UBE2E2: variants seen among roughly 807,000 people sequenced by gnomAD.
The protein encoded by UBE2E2 is ubiquitin-conjugating enzyme E2 E2.
UBE2E2 carries 6 observed loss-of-function variants against 24.7 expected under a neutral mutation model. That is an observed-to-expected ratio of 0.24 (90% CI 0.13 to 0.48). The LOEUF is 0.48. Among genes scored for constraint, UBE2E2 ranks in the 20% least tolerant of loss-of-function variants. The pLI is 0.99. For synonymous variants in UBE2E2, 104 were observed against 83.6 expected, an observed-to-expected ratio of 1.24 and a Z score of -1.33; for missense variants, 169 against 245.0, an observed-to-expected ratio of 0.69 and a Z score of 2.07.
intron 3 of UBE2E2, among the ~76,000 whole-genome samples, chr3:23,479,869 G>A (rs1242388794): frequency 6.6e-6 from 1 of 152,138 alleles, no homozygotes; most frequent in African/African-American, 2.4e-5. Flanking sequence ...CAGAATGGAG[G>A]CAGTACATGC....
At chr3:23,552,409 T>G (rs1695666793) in intron 5 of UBE2E2, among the ~76,000 whole-genome samples, 1 of 152,122 alleles carries the variant, frequency 6.6e-6, no homozygotes, top group Non-Finnish European at 1.5e-5. Context: ...CATGTACCAA[T>G]TCCCAGGGGA....
At chr3:23,270,874 T>G (rs1698221694) in intron 3 of UBE2E2, 1 of 455,710 alleles carries the variant, frequency 2.2e-6, no homozygotes, top group Non-Finnish European at 4.4e-6. Flanking sequence ...ATTACAAGTC[T>G]CAGATTAAGA....
intron 3 of UBE2E2, among the ~76,000 whole-genome samples, chr3:23,470,210 CT>C (rs1699005459): frequency 6.6e-6 from 1 of 152,206 alleles, no homozygotes; most frequent in African/African-American, 2.4e-5. Flanking sequence ...TGTGCCCCTC[CT>C]TTTCCCACTC....
At chr3:23,452,911 A>G (rs1223396607) in intron 3 of UBE2E2, among the ~76,000 whole-genome samples, 3 of 152,158 alleles carry the variant, frequency 2.0e-5, no homozygotes. Context: ...CCTTTACTCA[A>G]ATAGCAACTA....
At chr3:23,358,493 T>G (rs1422491045) in intron 3 of UBE2E2, among the ~76,000 whole-genome samples, 1 of 152,160 alleles carries the variant, frequency 6.6e-6, no homozygotes, top group African/African-American at 2.4e-5. Context: ...GGAAATTAGT[T>G]TCTAACAGCT....
chr3:23,515,178 C>T (rs1694701891), intron 4 of UBE2E2, among the ~76,000 whole-genome samples: 1 of 150,972 alleles, frequency 6.6e-6, no homozygotes, highest in Non-Finnish European at 1.5e-5. Flanking sequence ...GAGAGAGATA[C>T]ATACATATGT....
intron 3 of UBE2E2, among the ~76,000 whole-genome samples, chr3:23,491,986 T>C (rs1699507024): frequency 6.6e-6 from 1 of 152,120 alleles, no homozygotes; most frequent in Admixed American, 6.5e-5. Flanking sequence ...CTCTCAGATT[T>C]ATGACCAGAT....
At chr3:23,443,436 G>T (rs984030111) in intron 3 of UBE2E2, among the ~76,000 whole-genome samples, 5 of 152,160 alleles carry the variant, frequency 3.3e-5, no homozygotes, top group African/African-American at 1.2e-4. Flanking sequence ...AGTCCTGTAG[G>T]TTCGTTCCTG....
chr3:23,470,324 C>A (rs12638508), intron 3 of UBE2E2, among the ~76,000 whole-genome samples: 1 of 152,072 alleles, frequency 6.6e-6, no homozygotes, highest in African/African-American at 2.4e-5. Flanking sequence ...GATCCTCCCC[C>A]CAATCCGGGG....
chr3:23,319,875 A>T (rs1694697945), intron 3 of UBE2E2, among the ~76,000 whole-genome samples: 1 of 152,020 alleles, frequency 6.6e-6, no homozygotes, highest in African/African-American at 2.4e-5. Flanking sequence ...AAAAACAACT[A>T]TCCTCTTGTT....
chr3:23,258,750 G>A (rs567542690), intron 3 of UBE2E2, among the ~76,000 whole-genome samples: 15 of 151,758 alleles, frequency 9.9e-5, no homozygotes, highest in Non-Finnish European at 1.3e-4. Flanking sequence ...AAAATTAGCC[G>A]GGCGTGGTGG....
At chr3:23,506,032 G>A (rs145204492) in intron 4 of UBE2E2, among the ~76,000 whole-genome samples, 1 of 152,136 alleles carries the variant, frequency 6.6e-6, no homozygotes, top group Non-Finnish European at 1.5e-5. Context: ...TTATGTACTT[G>A]TTTTTATTGT....
intron 5 of UBE2E2, among the ~76,000 whole-genome samples, chr3:23,580,234 C>T (rs1696444517): frequency 6.6e-6 from 1 of 152,188 alleles, no homozygotes; most frequent in Non-Finnish European, 1.5e-5. Context: ...AAGTGAAATA[C>T]TGTCAAACAG....
intron 2 of UBE2E2, among the ~76,000 whole-genome samples, chr3:23,210,461 T>C (rs1696288932): frequency 6.6e-6 from 1 of 152,232 alleles, no homozygotes; most frequent in Admixed American, 6.5e-5. Context: ...TTGGGTGATA[T>C]GTCAAAGACC....
intron 4 of UBE2E2, among the ~76,000 whole-genome samples, chr3:23,529,846 C>G (rs768463384): frequency 7.2e-5 from 11 of 152,122 alleles, no homozygotes; most frequent in Non-Finnish European, 1.5e-4. Flanking sequence ...GGAGTTTACT[C>G]TGTTGTTCTT....
intron 3 of UBE2E2, among the ~76,000 whole-genome samples, chr3:23,307,485 C>G (rs1699268700): frequency 6.6e-6 from 1 of 152,144 alleles, no homozygotes; most frequent in East Asian, 1.9e-4. Flanking sequence ...AAATTTTGCT[C>G]TATCATTTAA....
intron 3 of UBE2E2, among the ~76,000 whole-genome samples, chr3:23,477,945 C>G (rs952898345): frequency 2.0e-5 from 3 of 152,208 alleles, no homozygotes; most frequent in African/African-American, 7.2e-5. Context: ...TCTCCTGTCA[C>G]TCTGTGAGGA....
rs996670957 is a variant in UBE2E2, at chr3:23,314,426, C to T, written c.227+97114C>T. Among the ~76,000 whole-genome samples the T allele has an allele frequency of 8.8e-5, 11 of 124,706 alleles. 1 individual carries two copies. The East Asian group carries it at 8.8e-4, about 10-fold the overall frequency. The allele number at this position is 124,706 out of a possible 152,430, so 81.8% of individuals were successfully genotyped here. ...ATTACAGGTGTGAGCCACTGTGGCC[C>T]GCCATAGTTATTATTTTTGTTGGGT... is the stretch of plus-strand genomic sequence containing the variant. On this transcript the variant is annotated intron_variant, in intron 3 of 5. Coordinates refer to ENST00000396703, the MANE Select transcript of UBE2E2 (RefSeq NM_152653.4).
intron 3 of UBE2E2, among the ~76,000 whole-genome samples, chr3:23,354,141 A>T (rs1297853140): frequency 6.6e-6 from 1 of 152,116 alleles, no homozygotes; most frequent in African/African-American, 2.4e-5. Context: ...TGGGGAAAGG[A>T]TTCCCTATTT....
Sources: allele counts gnomAD v4.1 joint callset (sites outside exome capture counted in the v4.1 genomes callset), GRCh38; gene constraint gnomAD v4.1.1; transcripts MANE v1.5; gene names NCBI Gene and HGNC (gene_info 2026-07-23, HGNC 2026-07-21).